The following MTCL1 variants were observed in gnomAD, a reference collection of about 807,000 sequenced individuals.
The protein encoded by MTCL1 is microtubule crosslinking factor 1.
A neutral mutation model predicts 141.4 loss-of-function variants in MTCL1; 79 were observed. The observed-to-expected ratio is 0.56, with a 90% CI of 0.47 to 0.67. The LOEUF is 0.67. MTCL1 is among the 30% of genes least tolerant of loss of function. The pLI, the probability that MTCL1 is intolerant of heterozygous loss-of-function variation, is 0.00. For synonymous variants in MTCL1, 914 were observed against 875.8 expected (o/e 1.04, Z -0.77); for missense variants, 2,177 against 2,113.9 (o/e 1.03, Z -0.59).
intron 2 of MTCL1, chr18:8,718,101 T>G (rs2096141886): frequency 1.5e-6 from 1 of 688,780 alleles, no homozygotes; most frequent in African/African-American, 1.8e-5. Context: ...TTGGTTTGAA[T>G]TGAAAGGTTC....
At chr18:8,802,296 A>C (rs1473510740) in intron 10 of MTCL1, 1 of 152,224 alleles carries the variant, frequency 6.6e-6, no homozygotes, top group Non-Finnish European at 1.5e-5. Flanking sequence ...CGTGGATGCT[A>C]TCACCTCTAT....
chr18:8,795,956 G>A (rs1019740322), intron 8 of MTCL1, among the ~76,000 whole-genome samples: 2 of 152,192 alleles, frequency 1.3e-5, no homozygotes, highest in Non-Finnish European at 2.9e-5. Flanking sequence ...AAGGAGTTTA[G>A]AGACATCTAA....
chr18:8,784,651 G>T, exon 6 of MTCL1: 1 of 1,614,028 alleles, frequency 6.2e-7, no homozygotes, highest in Non-Finnish European at 8.5e-7. Flanking sequence ...AGCTGCTGGG[G>T]ACCATCAACG....
At chr18:8,747,806 TG>T (rs2096347992) in intron 4 of MTCL1, among the ~76,000 whole-genome samples, 1 of 152,144 alleles carries the variant, frequency 6.6e-6, no homozygotes, top group Non-Finnish European at 1.5e-5. Flanking sequence ...ACAGGATCAG[TG>T]GGCTCGCATT....
chr18:8,777,221 G>A (rs1221227586), intron 4 of MTCL1, among the ~76,000 whole-genome samples: 1 of 152,196 alleles, frequency 6.6e-6, no homozygotes, highest in Non-Finnish European at 1.5e-5. Context: ...GGGTGACAAA[G>A]TAGTGAGACT....
upstream of MTCL1, among the ~76,000 whole-genome samples, chr18:8,714,857 C>A (rs1197956532): frequency 6.6e-6 from 1 of 151,804 alleles, no homozygotes; most frequent in East Asian, 1.9e-4. Flanking sequence ...AGTGCAGTGG[C>A]GCGATTTCCA....
intron 1 of MTCL1, among the ~76,000 whole-genome samples, chr18:8,709,662 CAAGT>C (rs2096076284): frequency 6.6e-6 from 1 of 152,088 alleles, no homozygotes; most frequent in Non-Finnish European, 1.5e-5. Flanking sequence ...TGGAGCATTC[CAAGT>C]AAGTGCTGTC....
At chr18:8,751,216 G>T (rs2096369344) in intron 4 of MTCL1, among the ~76,000 whole-genome samples, 1 of 152,210 alleles carries the variant, frequency 6.6e-6, no homozygotes, top group African/African-American at 2.4e-5. Flanking sequence ...CTTTCACTTG[G>T]ATGTTTATGT....
chr18:8,824,377 C>T (rs1421438577), intron 14 of MTCL1, among the ~76,000 whole-genome samples: 2 of 152,232 alleles, frequency 1.3e-5, no homozygotes, highest in Non-Finnish European at 2.9e-5. Context: ...CCTGAGAATT[C>T]TCACTGAGGC....
chr18:8,788,923 T>C (rs2075620529), intron 7 of MTCL1, among the ~76,000 whole-genome samples: 1 of 152,236 alleles, frequency 6.6e-6, no homozygotes, highest in Non-Finnish European at 1.5e-5. Context: ...CACTGGACTC[T>C]TCCCTGACTT....
chr18:8,714,853 G>A (rs1273035553), upstream of MTCL1, among the ~76,000 whole-genome samples: 2 of 151,926 alleles, frequency 1.3e-5, no homozygotes, highest in Non-Finnish European at 2.9e-5. Flanking sequence ...CTGGAGTGCA[G>A]TGGCGCGATT....
exon 6 of MTCL1, chr18:8,784,626 A>C: frequency 6.2e-7 from 1 of 1,613,512 alleles, no homozygotes. Context: ...GGTGAGGGGG[A>C]CCAGCAGGAG....
chr18:8,784,259 C>CGGGACA, exon 6 of MTCL1: 1 of 1,603,168 alleles, frequency 6.2e-7, no homozygotes, highest in Non-Finnish European at 8.5e-7. Context: ...CCCCAGTCCC[C>CGGGACA]GGGACAGCGA....
intron 4 of MTCL1, among the ~76,000 whole-genome samples, chr18:8,765,210 C>T (rs917503802): frequency 6.6e-6 from 1 of 152,038 alleles, no homozygotes; most frequent in African/African-American, 2.4e-5. Context: ...GGATAAATGT[C>T]GTGGCAGCAG....
intron 13 of MTCL1, 59 bp downstream of exon 12, chr18:8,819,318 AC>A: frequency 6.4e-7 from 1 of 1,562,088 alleles, no homozygotes. Flanking sequence ...CCGTCATGAA[AC>A]CTAAGAGGCA....
intron 1 of MTCL1, chr18:8,706,961 C>A: frequency 1.8e-6 from 1 of 555,534 alleles, no homozygotes; most frequent in Non-Finnish European, 3.0e-6. Flanking sequence ...TCTTGCGTCT[C>A]TTCGCTGATA....
chr18:8,713,614 A>G (rs752480435), upstream of MTCL1, among the ~76,000 whole-genome samples: 6 of 152,216 alleles, frequency 3.9e-5, no homozygotes, highest in African/African-American at 4.8e-5. Flanking sequence ...GCCAGCTTAC[A>G]TGGTTTATAA....
intron 7 of MTCL1, among the ~76,000 whole-genome samples, chr18:8,791,405 A>G (rs2075721641): frequency 6.6e-6 from 1 of 150,598 alleles, no homozygotes; most frequent in Non-Finnish European, 1.5e-5. Flanking sequence ...CAGGAAACCA[A>G]TCTGGAGGCA....
intron 4 of MTCL1, among the ~76,000 whole-genome samples, chr18:8,728,185 TTTAGA>T (rs1458293984): frequency 6.6e-6 from 1 of 152,216 alleles, no homozygotes; most frequent in African/African-American, 2.4e-5. Flanking sequence ...CTAATGCTTG[TTTAGA>T]TTAATTTACA....
Sources: gnomAD v4.1 joint callset for allele counts (sites outside exome capture counted in the v4.1 genomes callset) on GRCh38, gnomAD v4.1.1 for gene constraint, MANE v1.5 for transcripts, NCBI Gene and HGNC (gene_info 2026-07-23, HGNC 2026-07-21) for gene names.